Variants in RNF144A observed in about 807,000 individuals in gnomAD.
RNF144A encodes the protein E3 ubiquitin-protein ligase RNF144A.
In RNF144A, 11 loss-of-function variants were observed where a neutral mutation model predicts 38.7. That is an observed-to-expected ratio of 0.28 (90% CI 0.18 to 0.47). RNF144A has a LOEUF of 0.47. RNF144A is among the 20% of genes least tolerant of loss of function. RNF144A has a pLI of 0.99. For synonymous variants in RNF144A, 149 were observed against 143.9 expected (o/e 1.04, Z -0.25); for missense variants, 316 against 377.2 (o/e 0.84, Z 1.34).
chr2:6,989,542 G>T (rs571416969), intron 2 of RNF144A, among the ~76,000 whole-genome samples: 38 of 152,232 alleles, frequency 2.5e-4, no homozygotes, highest in Admixed American at 6.5e-4. Context: ...AATACAGGTG[G>T]AACCTTTGTT....
At chr2:6,925,465 C>G (rs1028199672) in intron 1 of RNF144A, among the ~76,000 whole-genome samples, 10 of 152,194 alleles carry the variant, frequency 6.6e-5, no homozygotes, top group Admixed American at 1.3e-4. Context: ...CCCTTCCCCC[C>G]CAGTTGCTCT....
At chr2:7,070,124 C>A (rs1652138631), downstream of RNF144A, among the ~76,000 whole-genome samples, 1 of 151,900 alleles carries the variant, frequency 6.6e-6, no homozygotes, top group Non-Finnish European at 1.5e-5. Context: ...CCAAAGGCCA[C>A]ATTCAGCAGA....
At chr2:6,987,880 A>G (rs1369282028) in intron 2 of RNF144A, among the ~76,000 whole-genome samples, 1 of 152,170 alleles carries the variant, frequency 6.6e-6, no homozygotes, top group Non-Finnish European at 1.5e-5. Context: ...TGTATTTCTT[A>G]CGAAGCTTTA....
chr2:6,941,490 C>CT lies in RNF144A; in HGVS notation c.-12+344dup, dbSNP rs1242169018. ...GCTCCTGCGTGTGCCAGGCACAGCTCTAACTCAGAACTCAGTGAGGCAGCA... is the reference window on the plus strand; with the variant it reads ...GCTCCTGCGTGTGCCAGGCACAGCTCTTAACTCAGAACTCAGTGAGGCAGCA... On this transcript the variant is annotated intron_variant, in intron 2 of 8. Transcript: ENST00000320892. The surrounding 1 kb of genome is among the most constrained non-coding windows in gnomAD (Gnocchi z 6.5). 6.6e-6 allele frequency among the ~76,000 whole-genome samples: 1 copy of CT among 152,226 alleles called. No homozygotes were observed. Among genetic ancestry groups the CT allele is most frequent in the Non-Finnish European group, 1.5e-5 (1 of 68,050 alleles).
chr2:7,039,488 GTAGA>G, intron 8 of RNF144A, 137 bp from the exon 9 acceptor site: 1 of 1,433,954 alleles, frequency 7.0e-7, no homozygotes, highest in Non-Finnish European at 9.5e-7. Context: ...GACTAGATGG[GTAGA>G]TGGATGGATG....
chr2:7,030,019 C>A, intron 7 of RNF144A, 107 bp from the exon 8 acceptor site: 1 of 806,212 alleles, frequency 1.2e-6, no homozygotes, highest in Non-Finnish European at 2.1e-6. Flanking sequence ...TCCCTCATGT[C>A]TCCACTTATC....
intron 2 of RNF144A, among the ~76,000 whole-genome samples, chr2:6,967,901 C>G (rs1246183785): frequency 6.6e-6 from 1 of 152,146 alleles, no homozygotes; most frequent in Non-Finnish European, 1.5e-5. Context: ...CTTGCAAACC[C>G]AAAGCACTAA....
At chr2:6,977,397 C>A (rs918246063) in intron 2 of RNF144A, among the ~76,000 whole-genome samples, 1 of 152,166 alleles carries the variant, frequency 6.6e-6, no homozygotes, top group Non-Finnish European at 1.5e-5. Context: ...TTTTGAACAT[C>A]GTAACATCAA....
At chr2:7,055,961 G>A (rs146379048) in intron 6 of RNF144A, among the ~76,000 whole-genome samples, 1 of 152,218 alleles carries the variant, frequency 6.6e-6, no homozygotes, top group East Asian at 1.9e-4. Context: ...ACCTACTGAC[G>A]TCTAGTGAGG....
In RNF144A at chr2:6,996,970, A is replaced by T; in HGVS notation, c.44A>T (p.Asp15Val). ...RYRPTWDLAL[D>V]PLVSCKLCLG... ...CGGCCCACCTGGGACCTGGCCCTCG[A>T]CCCGCTGGTGTCTTGCAAGCTCTGT... The change falls in exon 3 of 9, where the codon GAC becomes GTC. Residue 15 changes from aspartate to valine, a missense_variant. Asp to Val is a radical substitution (Grantham distance 152). Transcript: ENST00000320892. 1 of 1,613,986 alleles carries T rather than the reference A, an allele frequency of 6.2e-7. No homozygotes were observed. Among genetic ancestry groups the T allele is most frequent in the South Asian group, 1.1e-5 (1 of 91,074 alleles).
At chr2:6,927,075 T>C (rs1202146892) in intron 1 of RNF144A, among the ~76,000 whole-genome samples, 1 of 152,208 alleles carries the variant, frequency 6.6e-6, no homozygotes, top group Non-Finnish European at 1.5e-5. Flanking sequence ...TAGTAAGCCC[T>C]GTTGGTCCCG....
intron 1 of RNF144A, among the ~76,000 whole-genome samples, chr2:6,934,717 T>C (rs1184728519): frequency 6.6e-6 from 1 of 152,218 alleles, no homozygotes; most frequent in Non-Finnish European, 1.5e-5. Flanking sequence ...TCTTCTATTG[T>C]TCTGAGACAC....
At chr2:7,028,313 C>T (rs528779025) in intron 7 of RNF144A, among the ~76,000 whole-genome samples, 16 of 152,302 alleles carry the variant, frequency 1.1e-4, no homozygotes, top group South Asian at 1.0e-3. Flanking sequence ...GAGGCCCAGA[C>T]GACGGCCCCT....
At chr2:6,920,646 C>T (rs912469764) in intron 1 of RNF144A, among the ~76,000 whole-genome samples, 1 of 152,142 alleles carries the variant, frequency 6.6e-6, no homozygotes, top group African/African-American at 2.4e-5. Flanking sequence ...AGGGACTCTC[C>T]GTGTTTTCTC....
intron 8 of RNF144A, among the ~76,000 whole-genome samples, chr2:7,035,756 A>G (rs1185443986): frequency 6.6e-5 from 10 of 152,148 alleles, no homozygotes; most frequent in African/African-American, 1.4e-4. Flanking sequence ...GGGAATTCCA[A>G]CGTGTCTCTT....
At chr2:6,949,407 T>C (rs1255807740) in intron 2 of RNF144A, among the ~76,000 whole-genome samples, 1 of 150,376 alleles carries the variant, frequency 6.6e-6, no homozygotes, top group Non-Finnish European at 1.5e-5. Context: ...TTCCTTTCCT[T>C]CTTTTTTTTT....
intron 2 of RNF144A, among the ~76,000 whole-genome samples, chr2:6,982,569 CA>C: frequency 6.6e-6 from 1 of 152,308 alleles, no homozygotes; most frequent in East Asian, 1.9e-4. Flanking sequence ...TACAGCTTAA[CA>C]TTTTTCCTTC....
chr2:6,964,020 G>C (rs1214543648), intron 2 of RNF144A, among the ~76,000 whole-genome samples: 1 of 152,056 alleles, frequency 6.6e-6, no homozygotes, highest in Non-Finnish European at 1.5e-5. Context: ...TCAGGAAAGA[G>C]GCATGAGGTT....
rs1206051109 is a variant in RNF144A, at chr2:6,917,984, G to C, written c.-212+362G>C. ...CGGTCGCGGGTCTGCGCTGCGGCGC[G>C]GGACAGGGCGCCCCGGGCCAGGGTC... On this transcript the variant is annotated intron_variant, in intron 1 of 8. Coordinates refer to ENST00000320892, the MANE Select transcript of RNF144A (RefSeq NM_014746.6). The surrounding 1 kb of genome is among the most constrained non-coding windows in gnomAD (Gnocchi z 4.8). Among the ~76,000 whole-genome samples, 1 of 151,654 alleles carries C rather than the reference G, an allele frequency of 6.6e-6. No individual in the cohort carries two copies. Among genetic ancestry groups the C allele is most frequent in the East Asian group, 2.0e-4 (1 of 5,112 alleles).
Sources: gnomAD v4.1 joint callset for allele counts (sites outside exome capture counted in the v4.1 genomes callset) on GRCh38, gnomAD v4.1.1 for gene constraint, Gnocchi (gnomAD v3.1) non-coding constraint, MANE v1.5 for transcripts, NCBI Gene and HGNC (gene_info 2026-07-23, HGNC 2026-07-21) for gene names.